NXN: variants seen among roughly 807,000 people sequenced by gnomAD.
NXN encodes nucleoredoxin, also known as nucleoredoxin 1.
NXN carries 16 observed loss-of-function variants against 48.6 expected under a neutral mutation model. The ratio of observed to expected loss-of-function variants is 0.33; its 90% CI spans 0.22 to 0.50. The LOEUF is 0.50. Ranked by LOEUF, NXN falls within the 20% of genes least tolerant of loss-of-function variation. The pLI is 0.98. For synonymous variants in NXN, 281 were observed against 269.6 expected, an observed-to-expected ratio of 1.04 and a Z score of -0.41; for missense variants, 492 against 605.5, an observed-to-expected ratio of 0.81 and a Z score of 1.97.
At chr17:812,995 GGT>G (rs2144610786) in intron 5 of NXN, among the ~76,000 whole-genome samples, 1 of 152,256 alleles carries the variant, frequency 6.6e-6, no homozygotes, top group East Asian at 1.9e-4. Flanking sequence ...TGTGAATGTA[GGT>G]GTTTGCATGT....
Position 805,174 on chromosome 17 carries a change from G to C in NXN, c.894C>G (p.Asn298Lys), listed in dbSNP as rs777406672. 2 of 1,609,992 alleles carry C rather than the reference G, an allele frequency of 1.2e-6. No homozygotes were observed. The highest frequency in any genetic ancestry group is 1.7e-4 in the Middle Eastern group (1 of 6,010). ...ITRQGRVEVL[N>K]DEDCREFPWH... The stretch of plus-strand genomic sequence containing the variant: ...AGGGGAACTCCCGGCAGTCCTCGTC[G>C]TTCAGCACCTCCACCCGCCCCTGCC... Residue 298 changes from asparagine to lysine, a missense_variant, in exon 6 of 8, where the codon AAC becomes AAG. Transcript: ENST00000336868.
intron 6 of NXN, 143 bp from the exon 7 acceptor site, chr17:803,949 A>C: frequency 9.5e-7 from 1 of 1,049,976 alleles, no homozygotes; most frequent in Non-Finnish European, 1.4e-6. Flanking sequence ...CCTTGGATGC[A>C]GGTCTTGCTC....
Position 800,713 on chromosome 17 carries a change from C to A in NXN, c.*236G>T, listed in dbSNP as rs549636283. On this transcript the variant is annotated 3_prime_UTR_variant, in exon 8 of 8. Coordinates refer to ENST00000336868, the MANE Select transcript of NXN (RefSeq NM_022463.5). Reference sequence around the variant, plus strand: ...CATGCAGCCCCGCTCTGGCCGGGCCCCCGGCCATCCCGTGCTCCCAAACAG... The same window carrying A: ...CATGCAGCCCCGCTCTGGCCGGGCCACCGGCCATCCCGTGCTCCCAAACAG... 154 of 362,314 alleles carry A rather than the reference C, an allele frequency of 4.3e-4. No homozygotes were observed. In the South Asian group the frequency reaches 5.8e-3, roughly 14 times the overall value. The allele number at this position is 362,314 out of a possible 1,614,324, so 22.4% of individuals were successfully genotyped here.
chr17:944,164 A>G (rs954684885), intron 1 of NXN, among the ~76,000 whole-genome samples: 3 of 152,042 alleles, frequency 2.0e-5, no homozygotes, highest in Non-Finnish European at 2.9e-5. Flanking sequence ...GCTTGAACCC[A>G]GGAGGCAGAG....
At chr17:904,365 G>C (rs1317612014) in intron 1 of NXN, among the ~76,000 whole-genome samples, 2 of 152,184 alleles carry the variant, frequency 1.3e-5, no homozygotes, top group African/African-American at 4.8e-5. Context: ...AAGGACAAAA[G>C]GAAAGGACGC....
intron 5 of NXN, among the ~76,000 whole-genome samples, chr17:811,797 G>A (rs1358954932): frequency 6.6e-6 from 1 of 150,794 alleles, no homozygotes; most frequent in African/African-American, 2.4e-5. Context: ...TCCCCCACCC[G>A]TACCGCCCCC....
chr17:959,175 T>C (rs968366936), intron 1 of NXN: 48 of 906,048 alleles, frequency 5.3e-5, no homozygotes, highest in Admixed American at 1.0e-4. Flanking sequence ...GGAGAGGTGG[T>C]TCCCCGCCAC....
intron 1 of NXN, among the ~76,000 whole-genome samples, chr17:885,184 C>A (rs1198366155): frequency 1.3e-5 from 2 of 152,190 alleles, no homozygotes; most frequent in African/African-American, 4.8e-5. Flanking sequence ...ACATATGCGG[C>A]CGGTCGCAGT....
intron 5 of NXN, among the ~76,000 whole-genome samples, chr17:812,845 T>TA (rs1446453871): frequency 7.0e-6 from 1 of 141,856 alleles, no homozygotes; most frequent in Non-Finnish European, 1.5e-5. Context: ...TGAGTGTAGG[T>TA]GTGTGCATGT....
rs1567827999 is a variant in NXN at position 841,587 on chromosome 17, GGCGA to G, written c.361-15513_361-15510del. ...CCCTGACCACGGAGCATCTCACGCC[GGCGA>G]GCAGGTCCCCCCGACCACAGAGCAT... On this transcript the variant is annotated intron_variant, in intron 1 of 7. Transcript: ENST00000336868. Among the ~76,000 whole-genome samples the G allele has an allele frequency of 2.0e-3, 74 of 37,828 alleles. 7 individuals carry two copies. Among genetic ancestry groups the G allele is most frequent in the African/African-American group, 5.1e-3 (22 of 4,332 alleles). 24.8% of individuals were successfully genotyped at this position (37,828 alleles called of 152,430 possible).
chr17:959,522 C>T (rs368856281), intron 1 of NXN, among the ~76,000 whole-genome samples: 54 of 150,520 alleles, frequency 3.6e-4, no homozygotes, highest in African/African-American at 1.3e-3. Flanking sequence ...ATAGGCCAGG[C>T]GCAGTGGCTC....
At chr17:845,814 C>T (rs1157049191) in intron 1 of NXN, among the ~76,000 whole-genome samples, 1 of 152,254 alleles carries the variant, frequency 6.6e-6, no homozygotes. Flanking sequence ...CGCCTGTAAT[C>T]CCAACACTTC....
chr17:845,560 G>A (rs2067851180), intron 1 of NXN, among the ~76,000 whole-genome samples: 1 of 152,210 alleles, frequency 6.6e-6, no homozygotes, highest in South Asian at 2.1e-4. Flanking sequence ...AGGCCCTTCA[G>A]GGTCTACATC....
chr17:843,512 TGGTTTGGGACAGCAAGC>T (rs1208327174), intron 1 of NXN, among the ~76,000 whole-genome samples: 5 of 151,814 alleles, frequency 3.3e-5, no homozygotes, highest in Admixed American at 6.6e-5. Flanking sequence ...CTGGGCAGAG[TGGTTTGGGACAGCAAGC>T]GGGTGGCTGG....
chr17:805,757 G>A (rs960134134), intron 5 of NXN, among the ~76,000 whole-genome samples: 4 of 152,256 alleles, frequency 2.6e-5, no homozygotes, highest in African/African-American at 9.6e-5. Flanking sequence ...AGAATCGCTC[G>A]AACTCGGGAG....
rs1417281205 is a variant in NXN at position 979,497 on chromosome 17, C to G, written c.182G>C (p.Arg61Pro). ...CCCCGGCCCGGCCGCCGCGTCCCCC[C>G]GCAGGCGCCCGTAGAAGGCGGCCAG... ...ASLAAFYGRL[R>P]GDAAAGPGPG... The change falls in exon 1 of 8, where the codon CGG becomes CCG. Residue 61 changes from arginine (R) to proline (P), a missense_variant. Physicochemically the swap from Arg to Pro is moderately radical, Grantham distance 103. Around this residue, in one of 3 missense-constraint regions of NXN, gnomAD observed 186 missense variants for 199.1 expected, o/e 0.93. Coordinates refer to ENST00000336868, the MANE Select transcript of NXN (RefSeq NM_022463.5). 8 of 1,216,098 alleles carry G rather than the reference C, an allele frequency of 6.6e-6. No homozygotes were observed. The highest frequency in any genetic ancestry group is 4.2e-5 in the Admixed American group (1 of 23,820). The allele number at this position is 1,216,098 out of a possible 1,614,324, so 75.3% of individuals were successfully genotyped here.
At chr17:896,958 G>C (rs2068493343) in intron 1 of NXN, 1 of 1,204,920 alleles carries the variant, frequency 8.3e-7, no homozygotes, top group African/African-American at 1.6e-5. Flanking sequence ...TCCTAGGCCT[G>C]TTGCAGTGAC....
rs539509092 is a variant in NXN at position 891,352 on chromosome 17, G to A, written c.361-65274C>T. Among the ~76,000 whole-genome samples the A allele has an allele frequency of 2.6e-5, 4 of 152,342 alleles. No individual in the cohort carries two copies. In the East Asian group the frequency reaches 7.7e-4, roughly 29 times the overall value. ...AAAGTGCTAGGATTACAGGCAGTGAGCCACTGCACCCGGCCTAAATCTCTC... is the reference window on the plus strand; with the variant it reads ...AAAGTGCTAGGATTACAGGCAGTGAACCACTGCACCCGGCCTAAATCTCTC... On this transcript the variant is annotated intron_variant, in intron 1 of 7. Transcript: ENST00000336868.
chr17:962,540 T>A (rs2069250128), intron 1 of NXN, among the ~76,000 whole-genome samples: 1 of 152,024 alleles, frequency 6.6e-6, no homozygotes, highest in South Asian at 2.1e-4. Context: ...CATAACCCCA[T>A]CTCAAAATAA....
Sources: allele counts gnomAD v4.1 joint callset (sites outside exome capture counted in the v4.1 genomes callset), GRCh38; gene constraint gnomAD v4.1.1; regional missense constraint gnomAD v4.1.1; transcripts MANE v1.5; gene names NCBI Gene and HGNC (gene_info 2026-07-23, HGNC 2026-07-21).